VPS13B: variants seen among roughly 807,000 people sequenced by gnomAD.
The protein encoded by VPS13B is intermembrane lipid transfer protein VPS13B.
Under a neutral mutation model 426.4 loss-of-function variants are expected in VPS13B, and 285 were observed. The observed-to-expected ratio is 0.67, with a 90% CI of 0.61 to 0.74. VPS13B has a LOEUF of 0.74. Among genes scored for constraint, VPS13B ranks in the 30% least tolerant of loss-of-function variants. The probability of loss-of-function intolerance (pLI) is 0.00; values close to 1 mark genes in which losing one functional copy is unlikely to be tolerated. For missense variants in VPS13B, 4,537 were observed against 4,782.6 expected (o/e 0.95, Z 1.51); for synonymous variants, 1,676 against 1,676.4 (o/e 1.00, Z 0.01).
chr8:99,067,364 A>G (rs1211340023), intron 3 of VPS13B, among the ~76,000 whole-genome samples: 1 of 152,344 alleles, frequency 6.6e-6, no homozygotes, highest in African/African-American at 2.4e-5. Flanking sequence ...GCAGCTGGAA[A>G]CAATCATTCT....
chr8:99,691,049 T>C (rs1240519446), intron 35 of VPS13B, among the ~76,000 whole-genome samples: 1 of 152,196 alleles, frequency 6.6e-6, no homozygotes, highest in Admixed American at 6.5e-5. Flanking sequence ...GAAGTATTGA[T>C]ACATGTTTCA....
rs2133637886 is a variant in VPS13B at position 99,511,415 on chromosome 8, T to C, written c.4536T>C (p.His1512=). The C allele has an allele frequency of 6.2e-7, 1 of 1,613,744 alleles. No individual in the cohort carries two copies. The highest frequency in any genetic ancestry group is 1.3e-5 in the African/African-American group (1 of 75,052). The change falls in exon 29 of 62, where the codon CAT becomes CAC. Residue 1512 remains histidine (H), a synonymous_variant. Coordinates refer to ENST00000357162, the MANE Select transcript of VPS13B (RefSeq NM_152564.5). ...CTCCTGGTCAGCCCATGAGGACCCATACACTGACATCCCGCAATTTACCTT... is the reference window on the plus strand; with the variant it reads ...CTCCTGGTCAGCCCATGAGGACCCACACACTGACATCCCGCAATTTACCTT... The part of the protein sequence containing the change: ...RKSPGQPMRT[H]TLTSRNLPLI...
At chr8:99,324,624 C>A (rs951962899) in intron 19 of VPS13B, among the ~76,000 whole-genome samples, 4 of 152,000 alleles carry the variant, frequency 2.6e-5, no homozygotes, top group African/African-American at 9.7e-5. Flanking sequence ...ATGTCCTGTT[C>A]CTAAGAAAGT....
At chr8:99,538,436 C>T (rs763983931) in intron 30 of VPS13B, among the ~76,000 whole-genome samples, 2 of 151,884 alleles carry the variant, frequency 1.3e-5, no homozygotes, top group Non-Finnish European at 2.9e-5. Flanking sequence ...TTTGTTCACC[C>T]ATTAGTCATT....
chr8:99,418,970 C>T (rs1816228850), intron 21 of VPS13B, among the ~76,000 whole-genome samples: 1 of 152,174 alleles, frequency 6.6e-6, no homozygotes, highest in South Asian at 2.1e-4. Context: ...AACCATTTCT[C>T]TCGCAAAGGC....
At chr8:99,526,011 A>C (rs188548967) in intron 30 of VPS13B, among the ~76,000 whole-genome samples, 6 of 147,246 alleles carry the variant, frequency 4.1e-5, no homozygotes, top group African/African-American at 1.5e-4. Context: ...TGAGTGAGAC[A>C]TGGTTGTGGG....
chr8:99,016,429 T>C (rs1841615266), intron 2 of VPS13B, among the ~76,000 whole-genome samples: 1 of 152,146 alleles, frequency 6.6e-6, no homozygotes, highest in South Asian at 2.1e-4. Context: ...TGTGTAGTGA[T>C]AACCTCATTG....
At chr8:99,682,723 C>T (rs1831204412) in intron 35 of VPS13B, among the ~76,000 whole-genome samples, 1 of 152,190 alleles carries the variant, frequency 6.6e-6, no homozygotes, top group Non-Finnish European at 1.5e-5. Flanking sequence ...GGGCCTCACC[C>T]AAGGCCCGTG....
intron 17 of VPS13B, among the ~76,000 whole-genome samples, chr8:99,196,610 T>G (rs904217198): frequency 5.3e-5 from 8 of 152,020 alleles, no homozygotes. Flanking sequence ...GGTAAGTTTT[T>G]TGTATTTTAG....
At chr8:99,351,350 T>A (rs1277604851) in intron 19 of VPS13B, among the ~76,000 whole-genome samples, 1 of 152,122 alleles carries the variant, frequency 6.6e-6, no homozygotes, top group Non-Finnish European at 1.5e-5. Flanking sequence ...AAGTTTAAAC[T>A]TAAAGTTAAC....
Position 99,432,618 on chromosome 8 carries a change from G to A in VPS13B, c.3210+954G>A, listed in dbSNP as rs550641027. ...AAACTACTGAAAACTTACGGAGAAC[G>A]TTTTATTTTATTTTACTTTATTTAA... On this transcript the variant is annotated intron_variant, in intron 22 of 61. Coordinates refer to ENST00000357162, the MANE Select transcript of VPS13B (RefSeq NM_152564.5). 1.8e-4 allele frequency among the ~76,000 whole-genome samples: 28 copies of A among 152,174 alleles called. 1 individual carries two copies. The highest frequency in any genetic ancestry group is 5.8e-4 in the African/African-American group (24 of 41,524).
At chr8:99,797,224 G>A (rs545463750) in intron 43 of VPS13B, 2 of 152,046 alleles carry the variant, frequency 1.3e-5, no homozygotes, top group South Asian at 4.2e-4. Context: ...CAGCTGATAA[G>A]TGTTCCTTTA....
At chr8:99,854,850 C>A (rs1199906630) in intron 56 of VPS13B, among the ~76,000 whole-genome samples, 4 of 152,146 alleles carry the variant, frequency 2.6e-5, no homozygotes, top group Non-Finnish European at 4.4e-5. Context: ...ATATAGCTGG[C>A]AAAGGGAAGG....
intron 17 of VPS13B, among the ~76,000 whole-genome samples, chr8:99,239,413 A>G (rs112225677): frequency 0.014 from 2,076 of 152,240 alleles, 30 homozygotes; most frequent in Admixed American, 0.033. Context: ...ACTGTGTTAC[A>G]TGTGGTTTTG....
chr8:99,453,655 A>G (rs1818309414), intron 23 of VPS13B, among the ~76,000 whole-genome samples: 1 of 152,006 alleles, frequency 6.6e-6, no homozygotes, highest in African/African-American at 2.4e-5. Context: ...TCCCCACCAC[A>G]CTTATTTTAA....
At chr8:99,575,573 T>C (rs1825738053) in intron 31 of VPS13B, 85 bp from the exon 32 acceptor site, 3 of 1,539,494 alleles carry the variant, frequency 1.9e-6, no homozygotes, top group Non-Finnish European at 2.7e-6. Flanking sequence ...CATACATGTT[T>C]GTAGTACAAA....
Position 99,256,078 on chromosome 8 carries a change from G to A in VPS13B, c.2516-18120G>A, listed in dbSNP as rs149981757. On this transcript the variant is annotated intron_variant, in intron 17 of 61. Transcript: ENST00000357162. ...TGCCTAAACATTTTCTGTTTTGCTAGGATACCTCTTTCTGGTCCTTTGGCT... is the reference window on the plus strand; with the variant it reads ...TGCCTAAACATTTTCTGTTTTGCTAAGATACCTCTTTCTGGTCCTTTGGCT... Among the ~76,000 whole-genome samples the A allele has an allele frequency of 6.1e-3, 922 of 152,178 alleles. 13 individuals are homozygous for A. The highest frequency in any genetic ancestry group is 0.021 in the African/African-American group (879 of 41,520).
At chr8:99,507,979 A>T in intron 28 of VPS13B, 1 of 1,602,976 alleles carries the variant, frequency 6.2e-7, no homozygotes, top group Non-Finnish European at 8.5e-7. Context: ...GAATTGAATG[A>T]TTCATAGAGT....
intron 17 of VPS13B, among the ~76,000 whole-genome samples, chr8:99,240,505 T>C (rs985719212): frequency 2.0e-4 from 31 of 152,188 alleles, no homozygotes; most frequent in Non-Finnish European, 4.4e-5. Flanking sequence ...TAAAAGGGAT[T>C]ATAAGTATAG....
Sources: allele counts gnomAD v4.1 joint callset (sites outside exome capture counted in the v4.1 genomes callset), GRCh38; gene constraint gnomAD v4.1.1; transcripts MANE v1.5; gene names NCBI Gene and HGNC (gene_info 2026-07-23, HGNC 2026-07-21).